The following CABLES1 variants were observed in gnomAD, a reference collection of about 807,000 sequenced individuals.
CABLES1 encodes the protein Cdk5 and Abl enzyme substrate 1, also known as CDK5 and ABL1 enzyme substrate 1.
A neutral mutation model predicts 57.8 loss-of-function variants in CABLES1; 36 were observed. The observed-to-expected ratio is 0.62, with a 90% CI of 0.48 to 0.82. The LOEUF is 0.82. CABLES1 is among the 40% of genes least tolerant of loss of function. The pLI is 0.00. For missense variants in CABLES1, 767 were observed against 836.6 expected (o/e 0.92, Z 1.03); for synonymous variants, 374 against 363.0 (o/e 1.03, Z -0.35).
chr18:23,146,260 G>T (rs2046891036), intron 1 of CABLES1, among the ~76,000 whole-genome samples: 1 of 152,186 alleles, frequency 6.6e-6, no homozygotes, highest in Non-Finnish European at 1.5e-5. Flanking sequence ...ACAAAAACTG[G>T]CATGTTAGGG....
chr18:23,246,596 T>C (rs1156610552), intron 7 of CABLES1, among the ~76,000 whole-genome samples: 2 of 151,858 alleles, frequency 1.3e-5, no homozygotes, highest in African/African-American at 2.4e-5. Flanking sequence ...TTTCACCGTG[T>C]TAGCCAGGAT....
intron 7 of CABLES1, among the ~76,000 whole-genome samples, chr18:23,245,822 G>A (rs890285720): frequency 1.3e-5 from 2 of 152,214 alleles, no homozygotes; most frequent in Non-Finnish European, 2.9e-5. Context: ...GTGACCTCTC[G>A]CTCCATGAGC....
Position 23,135,894 on chromosome 18 carries a change from G to T in CABLES1, c.132G>T (p.Pro44=), listed in dbSNP as rs1235550472. ...AGCCTCAGCCCGCGGCCGCCGCGCC[G>T]GCCCAGCCGCCGCCCGAACCCCCCC... The part of the protein sequence containing the change: ...QPQPQPAAAA[P]AQPPPEPPRK... Residue 44 remains proline (P), a synonymous_variant, in exon 1 of 10, where the codon CCG becomes CCT. Coordinates refer to ENST00000256925, the MANE Select transcript of CABLES1 (RefSeq NM_001100619.3). The T allele has an allele frequency of 2.1e-5, 22 of 1,064,302 alleles. No individual in the cohort carries two copies. The African/African-American group carries it at 3.4e-4, about 17-fold the overall frequency. 65.9% of individuals were successfully genotyped at this position (1,064,302 alleles called of 1,614,324 possible).
At chr18:23,199,997 A>C (rs1214981309) in intron 3 of CABLES1, among the ~76,000 whole-genome samples, 4 of 152,132 alleles carry the variant, frequency 2.6e-5, no homozygotes, top group African/African-American at 4.8e-5. Flanking sequence ...CCTGCTTTTA[A>C]CTTCCTCACC....
chr18:23,164,600 T>C (rs2047028221), intron 1 of CABLES1, among the ~76,000 whole-genome samples: 1 of 151,868 alleles, frequency 6.6e-6, no homozygotes, highest in Non-Finnish European at 1.5e-5. Flanking sequence ...GTGCCAGATA[T>C]TGCTCCATGC....
chr18:23,157,419 T>C (rs1271568455), intron 1 of CABLES1, among the ~76,000 whole-genome samples: 2 of 152,134 alleles, frequency 1.3e-5, no homozygotes, highest in African/African-American at 4.8e-5. Flanking sequence ...CCTCAGCCCA[T>C]CTCACTTATT....
At chr18:23,252,440 G>T (rs1191547077) in intron 7 of CABLES1, among the ~76,000 whole-genome samples, 1 of 152,230 alleles carries the variant, frequency 6.6e-6, no homozygotes, top group Non-Finnish European at 1.5e-5. Flanking sequence ...AGCACTTGCT[G>T]TAGGCCAGGC....
chr18:23,213,888 A>T, intron 3 of CABLES1, 89 bp from the exon 4 acceptor site: 2 of 815,346 alleles, frequency 2.5e-6, no homozygotes, highest in South Asian at 3.3e-5. Flanking sequence ...TATGAATGCC[A>T]TGAATGCTTA....
intron 1 of CABLES1, among the ~76,000 whole-genome samples, chr18:23,159,085 G>C (rs1474940707): frequency 6.6e-6 from 1 of 152,112 alleles, no homozygotes; most frequent in African/African-American, 2.4e-5. Flanking sequence ...CCTGCCTCAG[G>C]CTCCTGAGTA....
chr18:23,163,386 A>C (rs1394140933), intron 1 of CABLES1, among the ~76,000 whole-genome samples: 4 of 152,152 alleles, frequency 2.6e-5, no homozygotes, highest in Non-Finnish European at 4.4e-5. Flanking sequence ...GGTGAGGAGG[A>C]AATCACCCAG....
At chr18:23,249,483 G>A (rs2047984864) in intron 7 of CABLES1, among the ~76,000 whole-genome samples, 1 of 152,216 alleles carries the variant, frequency 6.6e-6, no homozygotes, top group Admixed American at 6.5e-5. Flanking sequence ...AACTTGTCAT[G>A]GTGCAGGTGC....
At chr18:23,172,356 C>T (rs946048970) in intron 1 of CABLES1, among the ~76,000 whole-genome samples, 1 of 152,174 alleles carries the variant, frequency 6.6e-6, no homozygotes, top group Non-Finnish European at 1.5e-5. Context: ...GGATCATACA[C>T]TCTGTTTTAG....
At chr18:23,142,083 C>T (rs1046662689) in intron 1 of CABLES1, among the ~76,000 whole-genome samples, 3 of 152,086 alleles carry the variant, frequency 2.0e-5, no homozygotes, top group Non-Finnish European at 2.9e-5. Flanking sequence ...GTCCACCATT[C>T]CACGTGTCTC....
rs368557218 is a variant in CABLES1 at position 23,150,595 on chromosome 18, GC to G, written c.845+13992del. Among the ~76,000 whole-genome samples, 40 of 152,290 alleles carry G rather than the reference GC, an allele frequency of 2.6e-4. No individual in the cohort carries two copies. In the East Asian group the frequency reaches 4.1e-3, roughly 15 times the overall value. ...GTGCCAAGCACTGGGATATGGGGGAGCCCCGGAGGGGTGGGACCCCTGCCAC... is the reference window on the plus strand; with the variant it reads ...GTGCCAAGCACTGGGATATGGGGGAGCCCGGAGGGGTGGGACCCCTGCCAC... On this transcript the variant is annotated intron_variant, in intron 1 of 9. Coordinates refer to ENST00000256925, the MANE Select transcript of CABLES1 (RefSeq NM_001100619.3).
chr18:23,257,201 T>A (rs747929818), intron 9 of CABLES1, 26 bp from the exon 10 acceptor site: 1 of 1,606,176 alleles, frequency 6.2e-7, no homozygotes, highest in African/African-American at 1.3e-5. Context: ...AAAATGAACA[T>A]GCTTTTGATT....
At chr18:23,161,252 A>C (rs991198738) in intron 1 of CABLES1, among the ~76,000 whole-genome samples, 1 of 152,080 alleles carries the variant, frequency 6.6e-6, no homozygotes. Context: ...GAAAGAAAGA[A>C]AATATTAAAA....
At chr18:23,183,301 T>C (rs182640188) in intron 1 of CABLES1, among the ~76,000 whole-genome samples, 1 of 152,318 alleles carries the variant, frequency 6.6e-6, no homozygotes, top group South Asian at 2.1e-4. Flanking sequence ...TCAGGGTAAG[T>C]GAACTTATTC....
intron 1 of CABLES1, among the ~76,000 whole-genome samples, chr18:23,150,848 A>G (rs1421349753): frequency 6.6e-6 from 1 of 151,346 alleles, no homozygotes; most frequent in East Asian, 2.0e-4. Context: ...GGGTCCTGAG[A>G]TGCCGATGCA....
chr18:23,253,843 A>G lies in CABLES1; in HGVS notation c.1668A>G (p.Lys556=), dbSNP rs2048099825. The change falls in exon 9 of 10, where the codon AAA becomes AAG. Residue 556 remains lysine (K), a synonymous_variant. Coordinates refer to ENST00000256925, the MANE Select transcript of CABLES1 (RefSeq NM_001100619.3). ...EKLALKGKLN[K]QNRKLCAGAC... ...TCGCCCTCAAGGGGAAACTCAACAAACAGAACCGGAAGCTGTGTGCTGGGG... is the reference window on the plus strand; with the variant it reads ...TCGCCCTCAAGGGGAAACTCAACAAGCAGAACCGGAAGCTGTGTGCTGGGG... The G allele has an allele frequency of 6.2e-7, 1 of 1,614,104 alleles. No individual in the cohort carries two copies. The highest frequency in any genetic ancestry group is 8.5e-7 in the Non-Finnish European group (1 of 1,180,048).
Sources: allele counts gnomAD v4.1 joint callset (sites outside exome capture counted in the v4.1 genomes callset), GRCh38; gene constraint gnomAD v4.1.1; transcripts MANE v1.5; gene names NCBI Gene and HGNC (gene_info 2026-07-23, HGNC 2026-07-21).